CERS6: variants seen among roughly 807,000 people sequenced by gnomAD.
The protein encoded by CERS6 is ceramide synthase 6, also known as LAG1 homolog, ceramide synthase 6.
CERS6 carries 26 observed loss-of-function variants against 56.8 expected under a neutral mutation model. That is an observed-to-expected ratio of 0.46 (90% CI 0.34 to 0.63). The LOEUF (loss-of-function observed/expected upper bound fraction) is 0.63. Ranked by LOEUF, CERS6 falls within the 30% of genes least tolerant of loss-of-function variation. The pLI, the probability that CERS6 is intolerant of heterozygous loss-of-function variation, is 0.01. For missense variants in CERS6, 415 were observed against 467.5 expected (o/e 0.89, Z 1.04); for synonymous variants, 164 against 173.3 (o/e 0.95, Z 0.42).
At chr2:168,710,176 C>G (rs1025982238) in intron 6 of CERS6, among the ~76,000 whole-genome samples, 1 of 152,104 alleles carries the variant, frequency 6.6e-6, no homozygotes, top group Non-Finnish European at 1.5e-5. Flanking sequence ...TTTAAAGGAG[C>G]CGTGCTGTAT....
At chr2:168,665,543 T>G (rs1559042853) in intron 4 of CERS6, among the ~76,000 whole-genome samples, 1 of 152,160 alleles carries the variant, frequency 6.6e-6, no homozygotes. Context: ...TCCCCAGCCC[T>G]CCCTAGTAAC....
At chr2:168,564,863 A>G (rs1198002534) in intron 3 of CERS6, among the ~76,000 whole-genome samples, 1 of 152,190 alleles carries the variant, frequency 6.6e-6, no homozygotes, top group Non-Finnish European at 1.5e-5. Context: ...ATCTATTTCA[A>G]TTCCAATTCT....
In CERS6 at chr2:168,740,644, G is replaced by A. The variant is rs184266373; in HGVS notation, c.845+22666G>A. 5.3e-5 allele frequency among the ~76,000 whole-genome samples: 8 copies of A among 152,184 alleles called. No homozygotes were observed. The East Asian group carries it at 5.8e-4, about 11-fold the overall frequency. ...AAGAATGAGTCTGGGTTAACTCAGC[G>A]CCTGGGGCATCACAGATCTACTGAG... On this transcript the variant is annotated intron_variant, in intron 8 of 9. Coordinates refer to ENST00000305747, the MANE Select transcript of CERS6 (RefSeq NM_203463.3).
intron 6 of CERS6, among the ~76,000 whole-genome samples, chr2:168,699,087 G>A (rs62174425): frequency 0.018 from 2,722 of 152,284 alleles, 40 homozygotes; most frequent in South Asian, 0.05. Context: ...GGGAGCTGCA[G>A]TGCTTGCTTT....
intron 3 of CERS6, among the ~76,000 whole-genome samples, chr2:168,610,070 C>T (rs905845108): frequency 8.6e-5 from 13 of 150,592 alleles, no homozygotes; most frequent in East Asian, 3.9e-4. Context: ...CTCTGCCTCC[C>T]GGGTTCATGC....
chr2:168,515,445 T>C (rs1429324545), intron 1 of CERS6, among the ~76,000 whole-genome samples: 1 of 152,108 alleles, frequency 6.6e-6, no homozygotes, highest in Admixed American at 6.6e-5. Flanking sequence ...AAGATGGTCC[T>C]GGCCCAGAAT....
At chr2:168,736,770 G>A (rs1340832932) in intron 8 of CERS6, among the ~76,000 whole-genome samples, 1 of 152,224 alleles carries the variant, frequency 6.6e-6, no homozygotes, top group Admixed American at 6.5e-5. Context: ...TTCCTTCCAG[G>A]TTTTCAGATG....
At chr2:168,626,675 G>A (rs1269382029) in intron 3 of CERS6, among the ~76,000 whole-genome samples, 1 of 152,152 alleles carries the variant, frequency 6.6e-6, no homozygotes, top group Non-Finnish European at 1.5e-5. Context: ...ATTTGAGAGA[G>A]GGCTTTAGAG....
At chr2:168,697,037 T>A (rs1032577662) in intron 6 of CERS6, among the ~76,000 whole-genome samples, 3 of 152,194 alleles carry the variant, frequency 2.0e-5, no homozygotes, top group African/African-American at 7.2e-5. Flanking sequence ...CAAACTGGTA[T>A]CCAAGTGGCA....
Position 168,482,579 on chromosome 2 carries a change from C to T in CERS6, c.170+25961C>T, listed in dbSNP as rs186372882. 4.0e-3 allele frequency among the ~76,000 whole-genome samples: 616 copies of T among 152,338 alleles called. 2 individuals carry two copies. Among genetic ancestry groups the T allele is most frequent in the Non-Finnish European group, 7.3e-3 (500 of 68,032 alleles). On this transcript the variant is annotated intron_variant, in intron 1 of 9. Transcript: ENST00000305747. ...CATGCAAAAAATTTGATTTCAACTG[C>T]GTCAGCTTCAAAGGGCTGCAATCAG...
At chr2:168,497,277 C>T (rs1694489503) in intron 1 of CERS6, among the ~76,000 whole-genome samples, 1 of 152,086 alleles carries the variant, frequency 6.6e-6, no homozygotes, top group East Asian at 1.9e-4. Flanking sequence ...TTTTCAAATT[C>T]AACAAATATT....
intron 2 of CERS6, among the ~76,000 whole-genome samples, chr2:168,549,074 G>C (rs903523632): frequency 2.0e-5 from 3 of 151,952 alleles, no homozygotes; most frequent in African/African-American, 7.2e-5. Flanking sequence ...GGACTTCTCA[G>C]GTTCATTTGT....
intron 8 of CERS6, among the ~76,000 whole-genome samples, chr2:168,752,172 GGC>G (rs1356356573): frequency 6.6e-6 from 1 of 152,026 alleles, no homozygotes; most frequent in Non-Finnish European, 1.5e-5. Context: ...ATGTGGTGGT[GGC>G]ACAGCTGTAA....
chr2:168,704,392 A>G (rs1312711401), intron 6 of CERS6, among the ~76,000 whole-genome samples: 1 of 152,008 alleles, frequency 6.6e-6, no homozygotes, highest in Non-Finnish European at 1.5e-5. Context: ...TTGGTCATTC[A>G]GCTTCTCATG....
chr2:168,664,344 C>T (rs762820690), intron 4 of CERS6, among the ~76,000 whole-genome samples: 16 of 152,174 alleles, frequency 1.1e-4, no homozygotes, highest in Admixed American at 2.6e-4. Flanking sequence ...GGGACTAAGT[C>T]TACACCTTAA....
chr2:168,728,540 C>A (rs1683418307), intron 8 of CERS6, among the ~76,000 whole-genome samples: 1 of 151,456 alleles, frequency 6.6e-6, no homozygotes, highest in African/African-American at 2.4e-5. Flanking sequence ...AAAGCACCCA[C>A]CACGCCCAGC....
intron 3 of CERS6, among the ~76,000 whole-genome samples, chr2:168,589,707 AATTT>A (rs1683628911): frequency 6.6e-6 from 1 of 152,194 alleles, no homozygotes; most frequent in Non-Finnish European, 1.5e-5. Flanking sequence ...TACTCTGCTT[AATTT>A]ATTAAAGATG....
At chr2:168,645,722 G>C (rs1390886894) in intron 4 of CERS6, among the ~76,000 whole-genome samples, 1 of 152,084 alleles carries the variant, frequency 6.6e-6, no homozygotes. Flanking sequence ...CCCACTGTCT[G>C]TTGTTTCCTT....
At chr2:168,458,547 A>T (rs1038417721) in intron 1 of CERS6, among the ~76,000 whole-genome samples, 2 of 152,186 alleles carry the variant, frequency 1.3e-5, no homozygotes, top group East Asian at 3.8e-4. Context: ...GACTCGACTT[A>T]GAGTTTACAT....
Sources: allele counts gnomAD v4.1 joint callset (sites outside exome capture counted in the v4.1 genomes callset), GRCh38; gene constraint gnomAD v4.1.1; transcripts MANE v1.5; gene names NCBI Gene and HGNC (gene_info 2026-07-23, HGNC 2026-07-21).